The following TCF4 variants were observed in gnomAD, a reference collection of about 807,000 sequenced individuals.
TCF4 encodes transcription factor 4, also known as SL3-3 enhancer factor 2.
TCF4 carries 3 observed loss-of-function variants against 82.1 expected under a neutral mutation model. That is an observed-to-expected ratio of 0.04 (90% CI 0.02 to 0.09). The LOEUF (loss-of-function observed/expected upper bound fraction) is 0.09, where lower values mean the gene tolerates loss of function less well. Ranked by LOEUF, TCF4 falls within the 10% of genes least tolerant of loss-of-function variation. TCF4 has a pLI of 1.00. For synonymous variants in TCF4, 276 were observed against 309.6 expected (o/e 0.89, Z 1.14); for missense variants, 518 against 852.7 (o/e 0.61, Z 4.89).
intron 3 of TCF4, among the ~76,000 whole-genome samples, chr18:55,539,507 A>G (rs749156751): frequency 1.4e-4 from 21 of 152,208 alleles, no homozygotes; most frequent in Non-Finnish European, 2.5e-4. Flanking sequence ...AAACTAACAG[A>G]AAACCACTTT....
At chr18:55,249,987 A>C (rs1333745239) in intron 15 of TCF4, among the ~76,000 whole-genome samples, 1 of 152,182 alleles carries the variant, frequency 6.6e-6, no homozygotes, top group Non-Finnish European at 1.5e-5. Context: ...AATTTATAAG[A>C]AATCTAATCA....
rs138561975 is a variant in TCF4 at position 55,622,410 on chromosome 18, C to T, written c.286+8888G>A. Among the ~76,000 whole-genome samples the T allele has an allele frequency of 4.5e-3, 679 of 149,890 alleles. 4 individuals carry two copies. Among genetic ancestry groups the T allele is most frequent in the African/African-American group, 0.015 (602 of 40,734 alleles). ...TGGTCCCAGCTACTCGGGAGGCTGA[C>T]GCAGGAGAGTCGCTTGAACCCGAGG... On this transcript the variant is annotated intron_variant, in intron 2 of 20. Transcript: ENST00000398339.
At chr18:55,389,592 C>T (rs761195301) in intron 6 of TCF4, among the ~76,000 whole-genome samples, 4 of 152,066 alleles carry the variant, frequency 2.6e-5, no homozygotes, top group Non-Finnish European at 4.4e-5. Context: ...CAGAGAGAAC[C>T]GTGAAAGAAC....
chr18:55,349,847 C>G (rs1004153530), intron 8 of TCF4, among the ~76,000 whole-genome samples: 1 of 152,044 alleles, frequency 6.6e-6, no homozygotes, highest in African/African-American at 2.4e-5. Flanking sequence ...CTAGTTGTCA[C>G]CTGGTAGTAA....
intron 8 of TCF4, among the ~76,000 whole-genome samples, chr18:55,323,262 C>G (rs914199083): frequency 2.6e-5 from 4 of 152,156 alleles, no homozygotes; most frequent in African/African-American, 9.7e-5. Context: ...AAATCATTTG[C>G]ATATGCCGAA....
At chr18:55,453,889 T>C (rs1366418702) in intron 5 of TCF4, among the ~76,000 whole-genome samples, 2 of 151,798 alleles carry the variant, frequency 1.3e-5, no homozygotes, top group African/African-American at 4.8e-5. Context: ...GGTCTCTCTC[T>C]GTCACCCAGG....
intron 5 of TCF4, among the ~76,000 whole-genome samples, chr18:55,438,738 C>A (rs1322283059): frequency 6.6e-6 from 1 of 152,152 alleles, no homozygotes; most frequent in East Asian, 1.9e-4. Context: ...TTTCTTCAGC[C>A]CTCTCCTACA....
intron 6 of TCF4, among the ~76,000 whole-genome samples, chr18:55,370,760 C>A (rs1287903373): frequency 6.6e-6 from 1 of 151,764 alleles, no homozygotes; most frequent in African/African-American, 2.4e-5. Flanking sequence ...TCAATTTGCA[C>A]AAAAAAGAGA....
chr18:55,391,056 G>A (rs765272234), intron 6 of TCF4, among the ~76,000 whole-genome samples: 2 of 152,176 alleles, frequency 1.3e-5, no homozygotes, highest in Non-Finnish European at 2.9e-5. Flanking sequence ...CTCCTTGAGG[G>A]ACGATGTCAT....
chr18:55,420,449 A>G (rs2094692265), intron 5 of TCF4, among the ~76,000 whole-genome samples: 1 of 152,188 alleles, frequency 6.6e-6, no homozygotes, highest in Admixed American at 6.5e-5. Context: ...TTTGGAAATA[A>G]TGGGATTCCT....
intron 3 of TCF4, among the ~76,000 whole-genome samples, chr18:55,479,547 G>A (rs1057135206): frequency 6.6e-6 from 1 of 152,158 alleles, no homozygotes; most frequent in Non-Finnish European, 1.5e-5. Context: ...TAAAATGTGA[G>A]CAGAAGTAAT....
intron 3 of TCF4, among the ~76,000 whole-genome samples, chr18:55,549,090 C>T (rs2097234290): frequency 6.6e-6 from 1 of 151,974 alleles, no homozygotes; most frequent in Admixed American, 6.6e-5. Context: ...CACTTGAGCT[C>T]AGGAGTCTAA....
At chr18:55,321,149 C>G (rs1478271037) in intron 8 of TCF4, 1 of 157,376 alleles carries the variant, frequency 6.4e-6, no homozygotes, top group African/African-American at 2.4e-5. Context: ...TATGTGTTTG[C>G]TCTATTTTAA....
chr18:55,335,597 T>A (rs941398240), intron 8 of TCF4, among the ~76,000 whole-genome samples: 1 of 152,200 alleles, frequency 6.6e-6, no homozygotes, highest in African/African-American at 2.4e-5. Context: ...CAAGTTTTCA[T>A]GTCTAAAAAA....
intron 2 of TCF4, among the ~76,000 whole-genome samples, chr18:55,597,256 T>A (rs576169876): frequency 6.6e-6 from 1 of 152,312 alleles, no homozygotes; most frequent in East Asian, 1.9e-4. Flanking sequence ...ATGGCCCTCA[T>A]TGCTTTGCTA....
At chr18:55,336,912 C>A (rs911339011) in intron 8 of TCF4, among the ~76,000 whole-genome samples, 1 of 151,960 alleles carries the variant, frequency 6.6e-6, no homozygotes. Context: ...ATTTAATCTG[C>A]AACTAATTAA....
rs757597422 is a variant in TCF4, at chr18:55,465,918, T to C, written c.146-1781A>G. Among the ~76,000 whole-genome samples the C allele has an allele frequency of 2.6e-5, 4 of 152,308 alleles. No individual in the cohort carries two copies. The East Asian group carries it at 5.8e-4, about 22-fold the overall frequency. ...GCCAAAAAGTAATGGAGGAACAGATTTGAATCCCTATAAGTACCATAAGAT... is the reference window on the plus strand; with the variant it reads ...GCCAAAAAGTAATGGAGGAACAGATCTGAATCCCTATAAGTACCATAAGAT... On this transcript the variant is annotated intron_variant, in intron 3 of 19. Transcript: ENST00000354452.
chr18:55,421,389 ATTCT>A (rs2094749267), intron 5 of TCF4, among the ~76,000 whole-genome samples: 1 of 152,218 alleles, frequency 6.6e-6, no homozygotes, highest in East Asian at 1.9e-4. Context: ...ATAACTGATG[ATTCT>A]TTCTGTTTTA....
intron 8 of TCF4, among the ~76,000 whole-genome samples, chr18:55,305,538 A>T (rs934460109): frequency 6.6e-6 from 1 of 152,246 alleles, no homozygotes; most frequent in Admixed American, 6.5e-5. Flanking sequence ...AATGCACAGC[A>T]CTAACTGAAT....
Sources: gnomAD v4.1 joint callset for allele counts (sites outside exome capture counted in the v4.1 genomes callset) on GRCh38, gnomAD v4.1.1 for gene constraint, MANE v1.5 for transcripts, NCBI Gene and HGNC (gene_info 2026-07-23, HGNC 2026-07-21) for gene names.